TG: variants seen among roughly 807,000 people sequenced by gnomAD.
The protein encoded by TG is thyroglobulin, also known as thyroid hormones.
In TG, 270 loss-of-function variants were observed where a neutral mutation model predicts 324.7. The ratio of observed to expected loss-of-function variants is 0.83; its 90% CI spans 0.75 to 0.92. The LOEUF (loss-of-function observed/expected upper bound fraction) is 0.92, where lower values mean the gene tolerates loss of function less well. TG is among the 40% of genes least tolerant of loss of function. The pLI, the probability that TG is intolerant of heterozygous loss-of-function variation, is 0.00. For missense variants in TG, 3,591 were observed against 3,456.4 expected, an observed-to-expected ratio of 1.04 and a Z score of -0.98; for synonymous variants, 1,401 against 1,327.0, an observed-to-expected ratio of 1.06 and a Z score of -1.21.
chr8:133,062,659 C>T (rs140269376), intron 41 of TG, among the ~76,000 whole-genome samples: 7 of 152,288 alleles, frequency 4.6e-5, no homozygotes, highest in African/African-American at 1.7e-4. Flanking sequence ...GTGTGACATG[C>T]AGAGGCCGCT....
At chr8:132,999,338 ATTC>A (rs762138761) in intron 35 of TG, among the ~76,000 whole-genome samples, 12 of 151,966 alleles carry the variant, frequency 7.9e-5, no homozygotes, top group Non-Finnish European at 1.6e-4. Context: ...ACTAGAATCT[ATTC>A]TTCTCATTAT....
intron 10 of TG, among the ~76,000 whole-genome samples, chr8:132,892,791 G>C (rs1816419098): frequency 6.6e-6 from 1 of 150,990 alleles, no homozygotes; most frequent in South Asian, 2.1e-4. Context: ...GTGTGTATGT[G>C]TATGAGTGTG....
At position 133,085,515 on chromosome 8, in the gene TG, A is replaced by G. The variant is rs117796986; in HGVS notation, c.7240-9529A>G. On this transcript the variant is annotated intron_variant, in intron 41 of 47. Transcript: ENST00000220616. ...ACACTTACAACTCAGTAACAAAAAG[A>G]CAGATAACTCAATCTGAAAATAAGC... 3.0e-4 allele frequency among the ~76,000 whole-genome samples: 46 copies of G among 152,308 alleles called. No homozygotes were observed. The East Asian group carries it at 7.1e-3, about 24-fold the overall frequency.
intron 35 of TG, chr8:133,002,320 T>G: frequency 1.0e-6 from 1 of 985,388 alleles, no homozygotes; most frequent in Non-Finnish European, 1.2e-6. Flanking sequence ...TAAATTATTT[T>G]ACTTCTTCCA....
At chr8:133,060,462 G>T (rs1842210521) in intron 41 of TG, 3 of 1,150,340 alleles carry the variant, frequency 2.6e-6, no homozygotes, top group Non-Finnish European at 3.6e-6. Flanking sequence ...CCATTCCTCC[G>T]CACCCTTGCT....
intron 41 of TG, chr8:133,059,317 G>A: frequency 5.6e-6 from 2 of 359,654 alleles, no homozygotes. Flanking sequence ...TGAGAATTAT[G>A]GACTAGGAAT....
intron 35 of TG, among the ~76,000 whole-genome samples, chr8:132,991,958 G>A (rs559445269): frequency 4.1e-4 from 63 of 152,230 alleles, no homozygotes; most frequent in African/African-American, 1.4e-3. Context: ...AACTGAGAAA[G>A]GTGAGGAAAC....
At chr8:132,986,091 C>T (rs1011456273) in intron 35 of TG, among the ~76,000 whole-genome samples, 4 of 151,982 alleles carry the variant, frequency 2.6e-5, no homozygotes, top group Admixed American at 6.6e-5. Context: ...GAACCTCAAG[C>T]GATAGGTCCT....
At chr8:133,111,390 CAT>C (rs1372492982) in intron 43 of TG, among the ~76,000 whole-genome samples, 3 of 152,196 alleles carry the variant, frequency 2.0e-5, no homozygotes, top group Non-Finnish European at 4.4e-5. Context: ...TTCCTCGAAA[CAT>C]ATGTGTGAAA....
At chr8:132,985,721 G>C (rs370202072) in intron 35 of TG, among the ~76,000 whole-genome samples, 1 of 152,094 alleles carries the variant, frequency 6.6e-6, no homozygotes, top group African/African-American at 2.4e-5. Flanking sequence ...CTCATCAAAG[G>C]CCTGGGGAGC....
At chr8:133,106,838 G>T (rs62513965) in intron 43 of TG, among the ~76,000 whole-genome samples, 32,221 of 152,140 alleles carry the variant, frequency 0.21, 3,756 homozygotes, top group Middle Eastern at 0.29. Flanking sequence ...AGAACAGCCC[G>T]ATTGTTCGCT....
At chr8:133,059,055 G>A in intron 41 of TG, 1 of 456,694 alleles carries the variant, frequency 2.2e-6, no homozygotes, top group Non-Finnish European at 4.4e-6. Flanking sequence ...CATGAAATGT[G>A]CAGTACCTGG....
At chr8:133,102,552 C>T in intron 43 of TG, 1 of 1,551,652 alleles carries the variant, frequency 6.4e-7, no homozygotes, top group Non-Finnish European at 8.7e-7. Flanking sequence ...TAGCAACCTA[C>T]CGGTGGAGCA....
At chr8:133,133,800 T>C in intron 47 of TG, 140 bp downstream of exon 47, 1 of 993,474 alleles carries the variant, frequency 1.0e-6, no homozygotes, top group South Asian at 1.4e-5. Context: ...TCCTGTGAGT[T>C]GTTCATGGTC....
At chr8:133,070,352 C>G (rs1401552827) in intron 41 of TG, among the ~76,000 whole-genome samples, 1 of 144,922 alleles carries the variant, frequency 6.9e-6, no homozygotes, top group East Asian at 1.9e-4. Context: ...GTTTTTGGAA[C>G]AGTTGCCCAC....
chr8:132,950,207 T>C (rs1825910237), intron 27 of TG, among the ~76,000 whole-genome samples: 1 of 152,242 alleles, frequency 6.6e-6, no homozygotes, highest in Non-Finnish European at 1.5e-5. Flanking sequence ...GGGGAAGCCC[T>C]GCTCCTCGTT....
At chr8:132,909,417 G>C (rs1324637400) in intron 18 of TG, among the ~76,000 whole-genome samples, 1 of 152,214 alleles carries the variant, frequency 6.6e-6, no homozygotes, top group African/African-American at 2.4e-5. Context: ...ATGCAGAAAG[G>C]AGTAAAATGT....
chr8:133,073,782 C>A (rs754486374), intron 41 of TG, among the ~76,000 whole-genome samples: 1 of 152,122 alleles, frequency 6.6e-6, no homozygotes, highest in African/African-American at 2.4e-5. Context: ...TGAGGCTCCC[C>A]CAACCCTTTA....
intron 24 of TG, 104 bp from the exon 25 acceptor site, chr8:132,935,652 C>A: frequency 9.7e-7 from 1 of 1,032,000 alleles, no homozygotes; most frequent in Non-Finnish European, 1.5e-6. Context: ...ACTAACTTAC[C>A]TTTGTAGCCC....
Sources: allele counts gnomAD v4.1 joint callset (sites outside exome capture counted in the v4.1 genomes callset), GRCh38; gene constraint gnomAD v4.1.1; transcripts MANE v1.5; gene names NCBI Gene and HGNC (gene_info 2026-07-23, HGNC 2026-07-21).